The following CSMD1 variants were observed in gnomAD, a reference collection of about 807,000 sequenced individuals.
CSMD1 encodes CUB and sushi domain-containing protein 1.
In CSMD1, 213 loss-of-function variants were observed where a neutral mutation model predicts 417.5. The observed-to-expected ratio is 0.51, with a 90% CI of 0.46 to 0.57. The LOEUF is 0.57. Ranked by LOEUF, CSMD1 falls within the 20% of genes least tolerant of loss-of-function variation. CSMD1 has a pLI of 0.00. For synonymous variants in CSMD1, 2,862 were observed against 1,736.8 expected (o/e 1.65, Z -16.11); for missense variants, 6,923 against 4,529.7 (o/e 1.53, Z -15.17).
intron 6 of CSMD1, among the ~76,000 whole-genome samples, chr8:3,734,237 C>T (rs570864915): frequency 7.2e-5 from 11 of 152,346 alleles, no homozygotes; most frequent in African/African-American, 2.4e-4. Flanking sequence ...GAGCCTTCGG[C>T]TTCCTACTCA....
chr8:3,166,620 G>C (rs2129042056), intron 37 of CSMD1, among the ~76,000 whole-genome samples: 1 of 152,266 alleles, frequency 6.6e-6, no homozygotes, highest in Middle Eastern at 3.4e-3. Context: ...TGTTTGCATT[G>C]ATTGAAAGTG....
intron 8 of CSMD1, among the ~76,000 whole-genome samples, chr8:3,616,186 C>G (rs888199596): frequency 6.6e-6 from 1 of 152,154 alleles, no homozygotes; most frequent in African/African-American, 2.4e-5. Context: ...TCATCTGGAA[C>G]TGTAGCATCC....
At chr8:3,627,220 A>C (rs1340947657) in intron 7 of CSMD1, among the ~76,000 whole-genome samples, 2 of 152,132 alleles carry the variant, frequency 1.3e-5, no homozygotes, top group Non-Finnish European at 2.9e-5. Context: ...AATTGAGAGA[A>C]CTGAGTTTAA....
At chr8:4,127,473 A>C (rs1344735073) in intron 3 of CSMD1, among the ~76,000 whole-genome samples, 1 of 149,336 alleles carries the variant, frequency 6.7e-6, no homozygotes, top group Non-Finnish European at 1.5e-5. Flanking sequence ...AAAAAAAAAA[A>C]AAAAAAGAAA....
At chr8:3,124,084 ATTG>A (rs1284238696) in intron 41 of CSMD1, among the ~76,000 whole-genome samples, 8 of 152,260 alleles carry the variant, frequency 5.3e-5, no homozygotes, top group Non-Finnish European at 8.8e-5. Context: ...ACTGAAAAAA[ATTG>A]TTGTTGTTTT....
At chr8:2,990,086 C>A (rs1292667865) in intron 54 of CSMD1, among the ~76,000 whole-genome samples, 7 of 152,172 alleles carry the variant, frequency 4.6e-5, no homozygotes, top group Admixed American at 4.6e-4. Context: ...GTAACTGGGA[C>A]AACATTTGTG....
chr8:3,343,120 T>A (rs1259875651), intron 23 of CSMD1, among the ~76,000 whole-genome samples, 174 bp downstream of exon 23: 1 of 152,176 alleles, frequency 6.6e-6, no homozygotes, highest in Non-Finnish European at 1.5e-5. Flanking sequence ...AATTTCAAGC[T>A]ACTAGTAATG....
intron 3 of CSMD1, among the ~76,000 whole-genome samples, chr8:4,347,144 T>C (rs945295953): frequency 1.3e-5 from 2 of 152,174 alleles, no homozygotes; most frequent in African/African-American, 4.8e-5. Flanking sequence ...TTTTAGCACT[T>C]GGTGTGACAA....
At chr8:4,977,799 A>G (rs923413488) in intron 1 of CSMD1, among the ~76,000 whole-genome samples, 1 of 152,248 alleles carries the variant, frequency 6.6e-6, no homozygotes, top group Admixed American at 6.5e-5. Flanking sequence ...CATTTGGCAT[A>G]CTGCAGCGCT....
chr8:3,472,852 A>G (rs973467791), intron 11 of CSMD1, among the ~76,000 whole-genome samples: 1 of 151,740 alleles, frequency 6.6e-6, no homozygotes, highest in Non-Finnish European at 1.5e-5. Context: ...TATTCTTTTC[A>G]TGTCACCAGT....
At chr8:4,375,853 A>T (rs1802700693) in intron 3 of CSMD1, among the ~76,000 whole-genome samples, 1 of 152,048 alleles carries the variant, frequency 6.6e-6, no homozygotes, top group South Asian at 2.1e-4. Flanking sequence ...ACAGTCATCT[A>T]AATAAAAGAT....
At chr8:4,324,137 G>A (rs1169691792) in intron 3 of CSMD1, among the ~76,000 whole-genome samples, 1 of 152,180 alleles carries the variant, frequency 6.6e-6, no homozygotes, top group African/African-American at 2.4e-5. Context: ...AACTGCTGCT[G>A]TGCAATTATC....
chr8:4,133,096 C>T (rs746402608), intron 3 of CSMD1, among the ~76,000 whole-genome samples: 17 of 151,940 alleles, frequency 1.1e-4, no homozygotes, highest in Admixed American at 1.3e-4. Flanking sequence ...CCACCATGCC[C>T]GGATAATTTT....
At chr8:3,659,292 T>G (rs1660013496) in intron 7 of CSMD1, among the ~76,000 whole-genome samples, 1 of 152,230 alleles carries the variant, frequency 6.6e-6, no homozygotes, top group Non-Finnish European at 1.5e-5. Context: ...GATGATCACC[T>G]TCTTGACAAA....
At chr8:4,788,899 C>A (rs1399033749) in intron 1 of CSMD1, among the ~76,000 whole-genome samples, 1 of 152,192 alleles carries the variant, frequency 6.6e-6, no homozygotes, top group Non-Finnish European at 1.5e-5. Flanking sequence ...CCAGTGTTTT[C>A]AGGTGTTGGA....
intron 5 of CSMD1, among the ~76,000 whole-genome samples, chr8:3,789,286 A>T (rs575165440): frequency 6.7e-4 from 102 of 152,006 alleles, no homozygotes; most frequent in African/African-American, 2.1e-3. Context: ...TGTTGTTTTC[A>T]AGCTTCCCAG....
chr8:4,017,977 G>T (rs111461172), intron 4 of CSMD1, among the ~76,000 whole-genome samples: 112 of 152,194 alleles, frequency 7.4e-4, no homozygotes, highest in African/African-American at 2.6e-3. Context: ...ATTTATACAT[G>T]TTGCATTTTG....
chr8:3,383,945 A>T (rs951317740), intron 18 of CSMD1, among the ~76,000 whole-genome samples: 1 of 152,158 alleles, frequency 6.6e-6, no homozygotes, highest in Admixed American at 6.5e-5. Context: ...CCACAGACTT[A>T]AGGTTGCAGG....
At chr8:3,817,411 G>C (rs989578396) in intron 5 of CSMD1, among the ~76,000 whole-genome samples, 5 of 151,470 alleles carry the variant, frequency 3.3e-5, no homozygotes, top group African/African-American at 1.2e-4. Flanking sequence ...CTCCCAAGTA[G>C]CTGGGACTAT....
Sources: gnomAD v4.1 joint callset for allele counts (sites outside exome capture counted in the v4.1 genomes callset) on GRCh38, gnomAD v4.1.1 for gene constraint, MANE v1.5 for transcripts, NCBI Gene and HGNC (gene_info 2026-07-23, HGNC 2026-07-21) for gene names.